Variants in GIGYF2 observed in about 807,000 individuals in gnomAD.
GIGYF2 encodes GRB10 interacting GYF protein 2, also known as GRB10-interacting GYF protein 2.
In GIGYF2, 25 loss-of-function variants were observed where a neutral mutation model predicts 208.1. The observed-to-expected ratio is 0.12, with a 90% CI of 0.09 to 0.17. The LOEUF is 0.17. Ranked by LOEUF, GIGYF2 falls within the 10% of genes least tolerant of loss-of-function variation. GIGYF2 has a pLI of 1.00. For missense variants in GIGYF2, 1,302 were observed against 1,579.4 expected, an observed-to-expected ratio of 0.82 and a Z score of 2.98; for synonymous variants, 534 against 543.8, an observed-to-expected ratio of 0.98 and a Z score of 0.25.
At chr2:232,710,744 G>C (rs1163488695) in intron 2 of GIGYF2, among the ~76,000 whole-genome samples, 1 of 147,216 alleles carries the variant, frequency 6.8e-6, no homozygotes, top group African/African-American at 2.5e-5. Flanking sequence ...TGTTTCCCTG[G>C]CTGGAGTGCA....
intron 28 of GIGYF2, among the ~76,000 whole-genome samples, chr2:232,852,350 A>G (rs1690380866): frequency 6.6e-6 from 1 of 152,170 alleles, no homozygotes; most frequent in African/African-American, 2.4e-5. Context: ...GTTGGAGACC[A>G]GCCTGGCCAA....
At chr2:232,811,576 C>T (rs571951895) in intron 17 of GIGYF2, among the ~76,000 whole-genome samples, 19 of 152,184 alleles carry the variant, frequency 1.2e-4, no homozygotes, top group Non-Finnish European at 1.5e-5. Flanking sequence ...AATCAAAAGA[C>T]CAAAGAATAA....
intron 12 of GIGYF2, 63 bp downstream of exon 12, chr2:232,791,509 A>G: frequency 7.1e-7 from 1 of 1,408,890 alleles, no homozygotes. Context: ...GATCACTGAT[A>G]AGTTAGGCTT....
At chr2:232,736,038 TC>T (rs1468495982) in intron 3 of GIGYF2, 1 of 977,394 alleles carries the variant, frequency 1.0e-6, no homozygotes, top group East Asian at 1.1e-4. Context: ...GATGCAGACT[TC>T]CTGTAGTAAC....
intron 2 of GIGYF2, among the ~76,000 whole-genome samples, chr2:232,717,958 T>C (rs577013452): frequency 1.3e-5 from 2 of 152,280 alleles, no homozygotes; most frequent in South Asian, 4.1e-4. Flanking sequence ...ACCCAAACCA[T>C]AGTACTCTTC....
intron 8 of GIGYF2, among the ~76,000 whole-genome samples, chr2:232,778,047 A>G (rs993558185): frequency 6.6e-6 from 1 of 152,098 alleles, no homozygotes; most frequent in African/African-American, 2.4e-5. Flanking sequence ...CCCAGGCTCA[A>G]GTGATCCTCC....
At chr2:232,753,097 G>GTATT (rs58602448) in intron 5 of GIGYF2, among the ~76,000 whole-genome samples, 31,047 of 143,114 alleles carry the variant, frequency 0.22, 3,786 homozygotes, top group Middle Eastern at 0.3. Context: ...ACACTTGACA[G>GTATT]TATTTATTTA....
At chr2:232,792,028 T>G (rs1700083602) in intron 12 of GIGYF2, among the ~76,000 whole-genome samples, 1 of 152,176 alleles carries the variant, frequency 6.6e-6, no homozygotes, top group Admixed American at 6.5e-5. Flanking sequence ...CGTTGAAGGG[T>G]TACTTGATTC....
chr2:232,845,655 ATTAT>A, intron 25 of GIGYF2, 73 bp from the exon 26 acceptor site: 1 of 1,267,992 alleles, frequency 7.9e-7, no homozygotes, highest in Non-Finnish European at 1.2e-6. Flanking sequence ...TTGCCAAGAC[ATTAT>A]TTATGGTGTT....
Position 232,721,456 on chromosome 2 carries a change from C to T in GIGYF2, c.-43-13699C>T, listed in dbSNP as rs1039418389. Among the ~76,000 whole-genome samples, 7 of 152,146 alleles carry T rather than the reference C, an allele frequency of 4.6e-5. No homozygotes were observed. In the East Asian group the frequency reaches 1.2e-3, roughly 25 times the overall value. The stretch of plus-strand genomic sequence containing the variant: ...CTGGTAATCTTACCTTTCCTTTAGC[C>T]CTCTGAGGTTAGCAGTAGGTTTTCT... On this transcript the variant is annotated intron_variant, in intron 2 of 28. Transcript: ENST00000373563.
At chr2:232,843,618 A>G (rs1174383734) in intron 23 of GIGYF2, among the ~76,000 whole-genome samples, 1 of 150,888 alleles carries the variant, frequency 6.6e-6, no homozygotes, top group African/African-American at 2.4e-5. Flanking sequence ...TCATGCCTGT[A>G]ATCCCAGCAC....
intron 1 of GIGYF2, among the ~76,000 whole-genome samples, chr2:232,702,310 A>T (rs1364414413): frequency 6.6e-6 from 1 of 151,998 alleles, no homozygotes; most frequent in African/African-American, 2.4e-5. Flanking sequence ...ATGGTGGTGC[A>T]CACTTGTAAT....
chr2:232,768,271 T>G (rs1699058727), intron 8 of GIGYF2: 3 of 1,614,078 alleles, frequency 1.9e-6, no homozygotes, highest in Non-Finnish European at 2.5e-6. Context: ...TCAGTCCTGT[T>G]TGGGCTTTTA....
chr2:232,766,969 T>G (rs1698991727), intron 8 of GIGYF2: 1 of 152,206 alleles, frequency 6.6e-6, no homozygotes, highest in South Asian at 2.1e-4. Flanking sequence ...TAAGGACAGT[T>G]TCTCTTTTTT....
chr2:232,719,671 A>G (rs577108192), intron 2 of GIGYF2, among the ~76,000 whole-genome samples: 15 of 152,240 alleles, frequency 9.9e-5, no homozygotes, highest in Non-Finnish European at 1.3e-4. Context: ...AAAAATAATT[A>G]TACTAATAAT....
intron 5 of GIGYF2, among the ~76,000 whole-genome samples, chr2:232,752,963 C>G (rs1213791142): frequency 1.3e-5 from 2 of 152,134 alleles, no homozygotes; most frequent in Non-Finnish European, 2.9e-5. Flanking sequence ...GAAATAACCA[C>G]TATTTCCATT....
chr2:232,807,746 T>TC (rs1259940501), intron 15 of GIGYF2, among the ~76,000 whole-genome samples: 1 of 152,182 alleles, frequency 6.6e-6, no homozygotes, highest in Non-Finnish European at 1.5e-5. Flanking sequence ...CCTTTTTTTT[T>TC]CTTTTTAAAG....
At chr2:232,849,612 C>T (rs1041743999) in intron 27 of GIGYF2, among the ~76,000 whole-genome samples, 1 of 152,216 alleles carries the variant, frequency 6.6e-6, no homozygotes, top group Non-Finnish European at 1.5e-5. Context: ...CACATGCTCA[C>T]ACCAGGCTTG....
At chr2:232,795,112 G>T (rs1241720890) in intron 13 of GIGYF2, among the ~76,000 whole-genome samples, 168 bp downstream of exon 13, 1 of 152,168 alleles carries the variant, frequency 6.6e-6, no homozygotes, top group African/African-American at 2.4e-5. Context: ...ATCATTTCAT[G>T]CTTATAAGTT....
Sources: gnomAD v4.1 joint callset for allele counts (sites outside exome capture counted in the v4.1 genomes callset) on GRCh38, gnomAD v4.1.1 for gene constraint, MANE v1.5 for transcripts, NCBI Gene and HGNC (gene_info 2026-07-23, HGNC 2026-07-21) for gene names.